The following RBFOX1 variants were observed in gnomAD, a reference collection of about 807,000 sequenced individuals.
The protein encoded by RBFOX1 is RNA binding protein fox-1 homolog 1.
In RBFOX1, 8 loss-of-function variants were observed where a neutral mutation model predicts 57.7. The observed-to-expected ratio is 0.14, with a 90% CI of 0.08 to 0.25. The LOEUF (loss-of-function observed/expected upper bound fraction) is 0.25. RBFOX1 is among the 10% of genes least tolerant of loss of function. The pLI is 1.00. For missense variants in RBFOX1, 611 were observed against 548.5 expected (o/e 1.11, Z -1.14); for synonymous variants, 326 against 222.4 (o/e 1.47, Z -4.15).
At chr16:6,335,449 C>T (rs1449534168) in intron 2 of RBFOX1, among the ~76,000 whole-genome samples, 1 of 152,042 alleles carries the variant, frequency 6.6e-6, no homozygotes, top group Middle Eastern at 3.2e-3. Flanking sequence ...ATTTCTTTAA[C>T]CATGTTCATC....
In RBFOX1 at chr16:5,483,655, G is replaced by A. The variant is rs117951234; in HGVS notation, c.258+16401G>A. On this transcript the variant is annotated intron_variant, in intron 2 of 2. Transcript: ENST00000585867. ...TTCTAATGCTGTAGACGGGATTGCA[G>A]CTGAAATTCGCCTTCTGATCTGCTG... Among the ~76,000 whole-genome samples, 44 of 152,340 alleles carry A rather than the reference G, an allele frequency of 2.9e-4. 1 individual carries two copies. In the East Asian group the frequency reaches 6.7e-3, roughly 23 times the overall value.
At chr16:5,468,797 C>G (rs1035489011) in intron 2 of RBFOX1, among the ~76,000 whole-genome samples, 1 of 152,238 alleles carries the variant, frequency 6.6e-6, no homozygotes, top group Admixed American at 6.5e-5. Context: ...TGGATCCTCT[C>G]TGTGCTGACA....
intron 2 of RBFOX1, among the ~76,000 whole-genome samples, chr16:6,604,020 T>G (rs1362952314): frequency 6.6e-6 from 1 of 152,128 alleles, no homozygotes; most frequent in Non-Finnish European, 1.5e-5. Flanking sequence ...GGTCCTTTCA[T>G]GTAGCTGCCT....
chr16:7,208,686 G>C (rs1013629349), intron 4 of RBFOX1, among the ~76,000 whole-genome samples: 1 of 152,076 alleles, frequency 6.6e-6, no homozygotes, highest in African/African-American at 2.4e-5. Flanking sequence ...AAATTAAAAA[G>C]ATTAGCTGGG....
intron 1 of RBFOX1, among the ~76,000 whole-genome samples, chr16:6,053,803 A>T (rs955543296): frequency 1.3e-5 from 2 of 152,126 alleles, no homozygotes; most frequent in African/African-American, 2.4e-5. Flanking sequence ...CATACCTATA[A>T]TTCTAGCACT....
At chr16:7,025,780 T>C (rs963303792) in intron 3 of RBFOX1, among the ~76,000 whole-genome samples, 17 of 151,988 alleles carry the variant, frequency 1.1e-4, no homozygotes, top group African/African-American at 4.1e-4. Context: ...TGAGAGGAGA[T>C]GGCCAGCAGA....
intron 2 of RBFOX1, among the ~76,000 whole-genome samples, chr16:6,414,127 C>T (rs2093554459): frequency 6.6e-6 from 1 of 152,178 alleles, no homozygotes; most frequent in Non-Finnish European, 1.5e-5. Context: ...AGAGCCAGCA[C>T]AGGCCCTTGG....
chr16:7,016,294 C>G (rs1044028128), intron 3 of RBFOX1, among the ~76,000 whole-genome samples: 4 of 152,132 alleles, frequency 2.6e-5, no homozygotes, highest in African/African-American at 9.7e-5. Context: ...GTAGATCCTT[C>G]TGCCATACTA....
At chr16:6,431,327 G>C (rs1476843838) in intron 2 of RBFOX1, among the ~76,000 whole-genome samples, 1 of 151,900 alleles carries the variant, frequency 6.6e-6, no homozygotes, top group Non-Finnish European at 1.5e-5. Flanking sequence ...TAGCATAGGT[G>C]AGGCAGGTGG....
intron 13 of RBFOX1, among the ~76,000 whole-genome samples, chr16:7,674,356 C>T (rs1366922086): frequency 1.3e-5 from 2 of 152,120 alleles, no homozygotes; most frequent in Non-Finnish European, 2.9e-5. Context: ...AAAATCAGTT[C>T]ATTGCACTAG....
intron 1 of RBFOX1, among the ~76,000 whole-genome samples, chr16:6,144,853 C>A (rs1257392369): frequency 6.6e-6 from 1 of 152,156 alleles, no homozygotes; most frequent in African/African-American, 2.4e-5. Flanking sequence ...TGTGAATCAT[C>A]CCTCTTATGC....
intron 3 of RBFOX1, among the ~76,000 whole-genome samples, chr16:5,733,866 C>T (rs1407013951): frequency 1.3e-5 from 2 of 152,014 alleles, no homozygotes; most frequent in African/African-American, 4.8e-5. Context: ...GTCTTCTTTT[C>T]TCTCAGCTTT....
At chr16:6,295,068 C>G (rs1467518115) in intron 1 of RBFOX1, among the ~76,000 whole-genome samples, 6 of 150,384 alleles carry the variant, frequency 4.0e-5, no homozygotes, top group African/African-American at 1.5e-4. Context: ...TCCTCCAAGT[C>G]CATTTCTGGC....
intron 1 of RBFOX1, among the ~76,000 whole-genome samples, chr16:5,371,230 G>A (rs1338260847): frequency 6.6e-6 from 1 of 152,232 alleles, no homozygotes; most frequent in East Asian, 1.9e-4. Flanking sequence ...TTACAGGCGT[G>A]AGCCCCCTGT....
At chr16:5,370,742 C>A (rs896156899) in intron 1 of RBFOX1, among the ~76,000 whole-genome samples, 3 of 152,128 alleles carry the variant, frequency 2.0e-5, no homozygotes, top group African/African-American at 7.2e-5. Context: ...GTTCTCCCAC[C>A]TTGGCCTCCC....
At position 6,193,398 on chromosome 16, in the gene RBFOX1, A is replaced by ATATATATATACAT. The variant is rs1567651222; in HGVS notation, c.-126-123587_-126-123586insCATTATATATATA. On this transcript the variant is annotated intron_variant, in intron 1 of 15. Transcript: ENST00000550418. Reference sequence around the variant, plus strand: ...TATACATTATATATATATACTATATATATATATATATATATATATATATAT... The same window carrying ATATATATATACAT: ...TATACATTATATATATATACTATATATATATATATACATTATATATATATATATATATATATAT... Among the ~76,000 whole-genome samples, 3 of 62,860 alleles carry ATATATATATACAT rather than the reference A, an allele frequency of 4.8e-5. 1 individual carries two copies. Among genetic ancestry groups the ATATATATATACAT allele is most frequent in the Admixed American group, 3.7e-4 (2 of 5,350 alleles). The allele number at this position is 62,860 out of a possible 152,430, so 41.2% of individuals were successfully genotyped here.
intron 1 of RBFOX1, among the ~76,000 whole-genome samples, chr16:6,212,453 C>G (rs996545604): frequency 9.9e-5 from 15 of 151,744 alleles, no homozygotes; most frequent in Admixed American, 2.0e-4. Context: ...CCCCTGTAAT[C>G]CCAGCACTTT....
chr16:7,514,447 C>T (rs566886320), intron 4 of RBFOX1, among the ~76,000 whole-genome samples: 1 of 152,188 alleles, frequency 6.6e-6, no homozygotes, highest in African/African-American at 2.4e-5. Flanking sequence ...GGAGATGGGA[C>T]AGGGAATGTG....
intron 2 of RBFOX1, among the ~76,000 whole-genome samples, chr16:6,510,277 G>A (rs538009001): frequency 6.6e-6 from 1 of 152,268 alleles, no homozygotes; most frequent in Non-Finnish European, 1.5e-5. Flanking sequence ...AAGCATCTCT[G>A]AAAGCCGGCT....
Sources: gnomAD v4.1 joint callset for allele counts (sites outside exome capture counted in the v4.1 genomes callset) on GRCh38, gnomAD v4.1.1 for gene constraint, MANE v1.5 for transcripts, NCBI Gene and HGNC (gene_info 2026-07-23, HGNC 2026-07-21) for gene names.